Variants in PHF14 observed in about 807,000 individuals in gnomAD.
PHF14 encodes PHD finger protein 14.
Under a neutral mutation model 117.9 loss-of-function variants are expected in PHF14, and 55 were observed. The observed-to-expected ratio is 0.47, with a 90% CI of 0.38 to 0.58. The LOEUF is 0.58. Among genes scored for constraint, PHF14 ranks in the 20% least tolerant of loss-of-function variants. The pLI, the probability that PHF14 is intolerant of heterozygous loss-of-function variation, is 0.00. For missense variants in PHF14, 978 were observed against 1,122.2 expected (o/e 0.87, Z 1.84); for synonymous variants, 409 against 368.6 (o/e 1.11, Z -1.26).
chr7:11,048,845 G>A (rs1209001955), intron 13 of PHF14, among the ~76,000 whole-genome samples: 1 of 152,122 alleles, frequency 6.6e-6, no homozygotes, highest in African/African-American at 2.4e-5. Flanking sequence ...AAATAGGAAT[G>A]GATATATTCT....
chr7:11,036,681 T>C lies in PHF14; in HGVS notation c.1866T>C (p.Tyr622=). The C allele has an allele frequency of 6.2e-7, 1 of 1,613,522 alleles. No individual in the cohort carries two copies. Among genetic ancestry groups the C allele is most frequent in the Non-Finnish European group, 8.5e-7 (1 of 1,179,634 alleles). The change falls in exon 9 of 18, where the codon TAT becomes TAC. Residue 622 remains tyrosine, a synonymous_variant. Coordinates refer to ENST00000634607, the MANE Select transcript of PHF14 (RefSeq NM_001007157.2). ...CTCTCACTGCAGATTTTGTGAATTA[T>C]TATTTTGGTCAGTATAGACACTGGT... The part of the protein sequence containing the change: ...QPALTADFVN[Y]YFERNMRMIQ...
chr7:11,111,425 C>T lies in PHF14; in HGVS notation c.2730C>T (p.Gly910=). 1 of 1,605,192 alleles carries T rather than the reference C, an allele frequency of 6.2e-7. No individual in the cohort carries two copies. The highest frequency in any genetic ancestry group is 1.1e-5 in the South Asian group (1 of 89,888). ...TGAAAAAGTCTCCTAAACAGACAGG[C>T]TACGGATGGATATGTCAGGAATGTG... is the stretch of plus-strand genomic sequence containing the variant. ...PPLKKSPKQT[G]YGWICQECDS... The change falls in exon 17 of 18, where the codon GGC becomes GGT. Residue 910 remains glycine (G), a synonymous_variant. Transcript: ENST00000634607.
intron 17 of PHF14, among the ~76,000 whole-genome samples, chr7:11,140,051 C>G (rs1788354204): frequency 6.6e-6 from 1 of 152,056 alleles, no homozygotes; most frequent in Non-Finnish European, 1.5e-5. Flanking sequence ...CTTACACGTT[C>G]CTACACACTA....
At chr7:11,003,533 A>G (rs1384669060) in intron 4 of PHF14, among the ~76,000 whole-genome samples, 2 of 152,200 alleles carry the variant, frequency 1.3e-5, no homozygotes, top group African/African-American at 4.8e-5. Context: ...TATGGGATAC[A>G]TATAGATAGT....
chr7:11,137,064 T>G (rs1788241106), intron 17 of PHF14, among the ~76,000 whole-genome samples: 1 of 152,172 alleles, frequency 6.6e-6, no homozygotes, highest in South Asian at 2.1e-4. Context: ...AAATGCAAAA[T>G]TAAAGTGGTT....
intron 16 of PHF14, among the ~76,000 whole-genome samples, chr7:11,083,761 G>A (rs1440277280): frequency 6.6e-6 from 1 of 152,010 alleles, no homozygotes; most frequent in Non-Finnish European, 1.5e-5. Flanking sequence ...CACCTGGCCT[G>A]CTTTCCCTAA....
chr7:11,128,650 A>G (rs1170805608), intron 17 of PHF14, among the ~76,000 whole-genome samples: 1 of 151,360 alleles, frequency 6.6e-6, no homozygotes. Context: ...GCCATATATA[A>G]TCTAGACTCA....
At chr7:11,047,029 T>A (rs1784688373) in intron 13 of PHF14, among the ~76,000 whole-genome samples, 1 of 151,822 alleles carries the variant, frequency 6.6e-6, no homozygotes, top group South Asian at 2.1e-4. Context: ...TTTTTTTTTT[T>A]AACTTACACG....
At chr7:11,083,464 ATTTTTTTTT>A (rs776573456) in intron 16 of PHF14, among the ~76,000 whole-genome samples, 1 of 112,310 alleles carries the variant, frequency 8.9e-6, no homozygotes, top group Non-Finnish European at 1.8e-5. Flanking sequence ...TGCTTTCCCT[ATTTTTTTTT>A]TTTTTTTTTT....
chr7:11,027,297 T>C (rs1229225129), intron 6 of PHF14, among the ~76,000 whole-genome samples: 2 of 152,054 alleles, frequency 1.3e-5, no homozygotes, highest in Admixed American at 1.3e-4. Context: ...TCTACTGTTA[T>C]TAGAGAAATT....
chr7:10,982,529 A>C lies in PHF14; in HGVS notation c.270A>C (p.Leu90=). The C allele has an allele frequency of 6.5e-7, 1 of 1,529,386 alleles. No individual in the cohort carries two copies. The highest frequency in any genetic ancestry group is 8.9e-7 in the Non-Finnish European group (1 of 1,122,410). 94.7% of individuals were successfully genotyped at this position (1,529,386 alleles called of 1,614,324 possible). A position where few individuals can be genotyped will look rare whatever the true frequency, so the allele number is the denominator to read the frequency against. ...QLKNSAEEEV[L]SSEKQLIKME... ...AAAATTCTGCAGAGGAAGAAGTACT[A>C]TCATCAGAAAAACAATTAATTAAAA... is the stretch of plus-strand genomic sequence containing the variant. Residue 90 remains leucine (L), a synonymous_variant, in exon 3 of 18, where the codon CTA becomes CTC. Coordinates refer to ENST00000634607, the MANE Select transcript of PHF14 (RefSeq NM_001007157.2).
intron 4 of PHF14, among the ~76,000 whole-genome samples, chr7:11,011,157 CAT>C (rs1414942712): frequency 6.6e-6 from 1 of 152,144 alleles, no homozygotes; most frequent in Non-Finnish European, 1.5e-5. Flanking sequence ...TAACCACTGA[CAT>C]ATAATGACGT....
chr7:11,035,585 T>C (rs1005257292), intron 7 of PHF14, 55 bp from the exon 8 acceptor site: 8 of 1,162,454 alleles, frequency 6.9e-6, no homozygotes, highest in African/African-American at 6.2e-5. Context: ...GTTAGGTCTT[T>C]TATGACTCTT....
chr7:11,001,202 T>G (rs1782860650), intron 4 of PHF14, among the ~76,000 whole-genome samples: 1 of 152,192 alleles, frequency 6.6e-6, no homozygotes, highest in African/African-American at 2.4e-5. Context: ...ATCAGTTGAC[T>G]ATATTTCTTT....
rs7808367 is a variant in PHF14, at chr7:11,152,482, T to C, written c.2773-16934T>C. Among the ~76,000 whole-genome samples the C allele has an allele frequency of 5.2e-3, 796 of 152,228 alleles. 4 individuals are homozygous for C. Among genetic ancestry groups the C allele is most frequent in the African/African-American group, 0.018 (758 of 41,552 alleles). ...ATAATATACAATAATATATTTGTAA[T>C]ATATTCTGTATATAGGAAGTACTCA... On this transcript the variant is annotated intron_variant, in intron 17 of 17. Coordinates refer to ENST00000634607, the MANE Select transcript of PHF14 (RefSeq NM_001007157.2).
At chr7:10,993,882 G>A (rs746813149) in intron 4 of PHF14, among the ~76,000 whole-genome samples, 2 of 152,010 alleles carry the variant, frequency 1.3e-5, no homozygotes, top group Non-Finnish European at 2.9e-5. Context: ...GGTGGCACGT[G>A]CCTGTAATCC....
chr7:11,063,316 A>G (rs1785303499), intron 16 of PHF14: 2 of 981,610 alleles, frequency 2.0e-6, no homozygotes, highest in Non-Finnish European at 2.4e-6. Flanking sequence ...AGTTCAGGAG[A>G]TACACCTGAA....
At chr7:11,011,342 T>C (rs1783351699) in intron 4 of PHF14, among the ~76,000 whole-genome samples, 2 of 152,242 alleles carry the variant, frequency 1.3e-5, no homozygotes, top group Admixed American at 6.5e-5. Context: ...TTTAGGCTCC[T>C]GGTTGTCTGG....
At chr7:11,000,401 G>T (rs1782823443) in intron 4 of PHF14, among the ~76,000 whole-genome samples, 1 of 146,882 alleles carries the variant, frequency 6.8e-6, no homozygotes, top group Admixed American at 6.9e-5. Context: ...GTGCAGTGGT[G>T]GGATCTTGGC....
Sources: gnomAD v4.1 joint callset for allele counts (sites outside exome capture counted in the v4.1 genomes callset) on GRCh38, gnomAD v4.1.1 for gene constraint, MANE v1.5 for transcripts, NCBI Gene and HGNC (gene_info 2026-07-23, HGNC 2026-07-21) for gene names.